Variants in AGBL1 observed in about 807,000 individuals in gnomAD.
AGBL1 encodes the protein AGBL carboxypeptidase 1.
Under a neutral mutation model 118.9 loss-of-function variants are expected in AGBL1, and 130 were observed. The ratio of observed to expected loss-of-function variants is 1.09; its 90% confidence interval spans 0.95 to 1.26. AGBL1 has a LOEUF of 1.26. Among genes scored for constraint, AGBL1 ranks in the 50% most tolerant of loss-of-function variants. The probability of loss-of-function intolerance (pLI) is 0.00; values close to 1 mark genes in which losing one functional copy is unlikely to be tolerated. For synonymous variants in AGBL1, 555 were observed against 478.9 expected, an observed-to-expected ratio of 1.16 and a Z score of -2.08; for missense variants, 1,584 against 1,298.1, an observed-to-expected ratio of 1.22 and a Z score of -3.38.
chr15:86,704,725 G>A (rs768440720), intron 22 of AGBL1, among the ~76,000 whole-genome samples: 6 of 152,248 alleles, frequency 3.9e-5, no homozygotes, highest in Non-Finnish European at 7.4e-5. Flanking sequence ...ACAGTGTGGC[G>A]ATTCCTTAAG....
intron 21 of AGBL1, among the ~76,000 whole-genome samples, chr15:86,574,609 C>T (rs1006671801): frequency 7.2e-5 from 7 of 96,716 alleles, no homozygotes; most frequent in Non-Finnish European, 1.4e-4. Flanking sequence ...TGAGGTTTAG[C>T]TCTTGTCACC....
chr15:86,736,516 C>T (rs1426648127), intron 22 of AGBL1, among the ~76,000 whole-genome samples: 1 of 152,144 alleles, frequency 6.6e-6, no homozygotes, highest in African/African-American at 2.4e-5. Context: ...GATAGGGAAA[C>T]AGACGTAGAG....
chr15:86,487,393 G>T (rs767364554), intron 18 of AGBL1, among the ~76,000 whole-genome samples: 1 of 152,102 alleles, frequency 6.6e-6, no homozygotes, highest in Non-Finnish European at 1.5e-5. Context: ...CCTTGCCAAT[G>T]TGCAGAACGA....
At chr15:86,129,668 G>A (rs28623394) in intron 1 of AGBL1, among the ~76,000 whole-genome samples, 1,660 of 152,186 alleles carry the variant, frequency 0.011, 24 homozygotes, top group African/African-American at 0.039. Flanking sequence ...TGTCTCTAGC[G>A]GGTAGAGACC....
intron 22 of AGBL1, among the ~76,000 whole-genome samples, chr15:86,862,642 C>A (rs2079574466): frequency 6.6e-6 from 1 of 152,166 alleles, no homozygotes; most frequent in Non-Finnish European, 1.5e-5. Context: ...ACTCACTTGA[C>A]CTGGGAGGCA....
intron 22 of AGBL1, among the ~76,000 whole-genome samples, chr15:86,873,838 A>AT (rs1229884662): frequency 1.3e-5 from 2 of 152,134 alleles, no homozygotes; most frequent in South Asian, 2.1e-4. Flanking sequence ...TGGTAGTAAT[A>AT]TTTTTTGCCT....
At chr15:86,667,396 G>T (rs371708403) in intron 21 of AGBL1, among the ~76,000 whole-genome samples, 11 of 152,026 alleles carry the variant, frequency 7.2e-5, no homozygotes, top group African/African-American at 2.7e-4. Flanking sequence ...TTATGATGTG[G>T]TTTGCATTCA....
At chr15:86,779,631 G>T (rs1352982330) in intron 22 of AGBL1, among the ~76,000 whole-genome samples, 1 of 152,074 alleles carries the variant, frequency 6.6e-6, no homozygotes, top group African/African-American at 2.4e-5. Context: ...TACTGCCAAA[G>T]AAATTTTTAG....
chr15:86,809,932 T>G (rs1312036362), intron 22 of AGBL1, among the ~76,000 whole-genome samples: 1 of 152,150 alleles, frequency 6.6e-6, no homozygotes, highest in Non-Finnish European at 1.5e-5. Context: ...ATCATTAGCT[T>G]TTTAATAGGA....
At chr15:86,546,223 T>C in intron 20 of AGBL1, 90 bp downstream of exon 20, 1 of 1,163,156 alleles carries the variant, frequency 8.6e-7, no homozygotes, top group Non-Finnish European at 1.1e-6. Context: ...TTTATTTAGT[T>C]TTTTTTTTTT....
intron 22 of AGBL1, among the ~76,000 whole-genome samples, chr15:86,846,566 C>T (rs1172570194): frequency 6.6e-6 from 1 of 152,252 alleles, no homozygotes; most frequent in Middle Eastern, 3.4e-3. Flanking sequence ...GAGTCTCCCT[C>T]TGTCACCCAG....
intron 17 of AGBL1, among the ~76,000 whole-genome samples, chr15:86,330,938 T>A (rs977146650): frequency 6.6e-6 from 1 of 152,038 alleles, no homozygotes; most frequent in African/African-American, 2.4e-5. Context: ...TTTAAAAAAA[T>A]GAGCAGGGAA....
At chr15:86,878,546 C>T (rs185885494) in intron 22 of AGBL1, among the ~76,000 whole-genome samples, 47 of 152,252 alleles carry the variant, frequency 3.1e-4, no homozygotes, top group South Asian at 4.2e-4. Context: ...CTTTCTCCTT[C>T]GCTTTTCTTT....
intron 22 of AGBL1, among the ~76,000 whole-genome samples, chr15:86,740,481 T>A (rs1265085776): frequency 6.6e-6 from 1 of 152,218 alleles, no homozygotes; most frequent in African/African-American, 2.4e-5. Flanking sequence ...TTGGGAGTTC[T>A]GCTAACATGC....
At chr15:86,192,775 G>A (rs1045685206) in intron 5 of AGBL1, among the ~76,000 whole-genome samples, 2 of 151,922 alleles carry the variant, frequency 1.3e-5, no homozygotes, top group Non-Finnish European at 2.9e-5. Flanking sequence ...TCAGATGTCA[G>A]GAAAAAATTT....
intron 5 of AGBL1, among the ~76,000 whole-genome samples, chr15:86,177,889 A>G (rs2077502396): frequency 6.6e-6 from 1 of 152,224 alleles, no homozygotes; most frequent in Admixed American, 6.5e-5. Flanking sequence ...GATAAAAAGA[A>G]GACTGAAATA....
intron 18 of AGBL1, among the ~76,000 whole-genome samples, chr15:86,489,422 T>G (rs1177301984): frequency 6.6e-6 from 1 of 152,172 alleles, no homozygotes; most frequent in Non-Finnish European, 1.5e-5. Flanking sequence ...TTGATGTGAC[T>G]ATTGGTAAGT....
intron 21 of AGBL1, among the ~76,000 whole-genome samples, chr15:86,612,810 C>G (rs1160331146): frequency 6.6e-6 from 1 of 152,174 alleles, no homozygotes; most frequent in Non-Finnish European, 1.5e-5. Context: ...CTGAAGCCGG[C>G]TGGCCTGAAG....
intron 24 of AGBL1, among the ~76,000 whole-genome samples, chr15:87,015,368 C>A (rs1421830170): frequency 6.6e-6 from 1 of 152,074 alleles, no homozygotes; most frequent in South Asian, 2.1e-4. Context: ...GTCTGTCTAT[C>A]TATCTATCTA....
Sources: allele counts gnomAD v4.1 joint callset (sites outside exome capture counted in the v4.1 genomes callset), GRCh38; gene constraint gnomAD v4.1.1; transcripts MANE v1.5; gene names NCBI Gene and HGNC (gene_info 2026-07-23, HGNC 2026-07-21).